Variants in AGBL4 observed in about 807,000 individuals in gnomAD.
The protein encoded by AGBL4 is AGBL carboxypeptidase 4.
A neutral mutation model predicts 66.4 loss-of-function variants in AGBL4; 58 were observed. The ratio of observed to expected loss-of-function variants is 0.87; its 90% CI spans 0.71 to 1.09. The LOEUF is 1.09. Ranked by LOEUF, AGBL4 falls within the 50% of genes least tolerant of loss-of-function variation. The pLI, the probability that AGBL4 is intolerant of heterozygous loss-of-function variation, is 0.00. For missense variants in AGBL4, 579 were observed against 631.0 expected (o/e 0.92, Z 0.88); for synonymous variants, 234 against 222.9 (o/e 1.05, Z -0.44).
rs188230655 is a variant in AGBL4, at chr1:49,756,799, A to G, written c.158-59362T>C. 3.9e-5 allele frequency among the ~76,000 whole-genome samples: 6 copies of G among 152,266 alleles called. No homozygotes were observed. In the East Asian group the frequency reaches 5.8e-4, roughly 15 times the overall value. On this transcript the variant is annotated intron_variant, in intron 2 of 13. Coordinates refer to ENST00000371839, the MANE Select transcript of AGBL4 (RefSeq NM_032785.4). The stretch of plus-strand genomic sequence containing the variant: ...GGATATGTTTGCTTCCCCTTCCACC[A>G]TGATTGTAAGTTTCCTGAGGCCTCC...
Position 48,667,348 on chromosome 1 carries a change from T to A in AGBL4, c.635-4107A>T, listed in dbSNP as rs986542105. Among the ~76,000 whole-genome samples the A allele has an allele frequency of 3.3e-5, 5 of 152,336 alleles. No homozygotes were observed. In the East Asian group the frequency reaches 9.6e-4, roughly 29 times the overall value. ...GCCAATTGCTATGTCATAAAGGCAC[T>A]CAGCCTATGGAGAAGCCCACATGGT... is the stretch of plus-strand genomic sequence containing the variant. On this transcript the variant is annotated intron_variant, in intron 6 of 13. Coordinates refer to ENST00000371839, the MANE Select transcript of AGBL4 (RefSeq NM_032785.4).
chr1:49,742,317 T>C (rs1650576359), intron 2 of AGBL4, among the ~76,000 whole-genome samples: 1 of 151,700 alleles, frequency 6.6e-6, no homozygotes, highest in South Asian at 2.1e-4. Flanking sequence ...TCAAAGAGAA[T>C]AAAATACCTA....
chr1:49,998,199 CAAGAA>C (rs1343598612), intron 1 of AGBL4, among the ~76,000 whole-genome samples: 1 of 150,988 alleles, frequency 6.6e-6, no homozygotes, highest in African/African-American at 2.4e-5. Flanking sequence ...TGAGATTAAC[CAAGAA>C]AAGAAGAGAG....
At chr1:49,653,885 G>C (rs1646060453) in intron 3 of AGBL4, among the ~76,000 whole-genome samples, 1 of 151,806 alleles carries the variant, frequency 6.6e-6, no homozygotes, top group Admixed American at 6.6e-5. Flanking sequence ...ATGGAACCAA[G>C]TTCAAAAACA....
chr1:48,758,556 ACTATCCT>A (rs1349930983), intron 6 of AGBL4, among the ~76,000 whole-genome samples: 2 of 152,168 alleles, frequency 1.3e-5, no homozygotes, highest in Non-Finnish European at 2.9e-5. Flanking sequence ...ACTTCTTTTT[ACTATCCT>A]GAAACCTCCT....
At chr1:48,802,647 C>T (rs1645835869) in intron 6 of AGBL4, among the ~76,000 whole-genome samples, 1 of 152,188 alleles carries the variant, frequency 6.6e-6, no homozygotes, top group African/African-American at 2.4e-5. Context: ...CCTAATAGCA[C>T]TGGACCACTC....
chr1:49,679,402 TG>T (rs1646645397), intron 3 of AGBL4, among the ~76,000 whole-genome samples: 1 of 152,086 alleles, frequency 6.6e-6, no homozygotes, highest in Non-Finnish European at 1.5e-5. Context: ...TTTGCATGTG[TG>T]TGTGTGTGAA....
chr1:48,758,012 A>G (rs1342928230), intron 6 of AGBL4, among the ~76,000 whole-genome samples: 20 of 152,186 alleles, frequency 1.3e-4, no homozygotes, highest in Non-Finnish European at 2.9e-5. Context: ...TCTGGTAAGC[A>G]GTCATTTCTT....
chr1:49,302,276 G>A (rs1308361783), intron 3 of AGBL4, among the ~76,000 whole-genome samples: 3 of 147,690 alleles, frequency 2.0e-5, no homozygotes, highest in Admixed American at 1.4e-4. Flanking sequence ...TTTCTGAGGC[G>A]TAGTCTCACT....
At chr1:48,858,804 C>A (rs1647257790) in intron 6 of AGBL4, among the ~76,000 whole-genome samples, 1 of 151,978 alleles carries the variant, frequency 6.6e-6, no homozygotes, top group Non-Finnish European at 1.5e-5. Flanking sequence ...TAAATTATCA[C>A]TTTAATGAGG....
At chr1:49,043,998 C>T (rs1157478525) in intron 5 of AGBL4, among the ~76,000 whole-genome samples, 1 of 152,204 alleles carries the variant, frequency 6.6e-6, no homozygotes, top group Admixed American at 6.5e-5. Flanking sequence ...TCACCAGTAT[C>T]CTCATTTAGA....
intron 2 of AGBL4, among the ~76,000 whole-genome samples, chr1:49,847,994 C>A (rs746638494): frequency 2.2e-4 from 33 of 152,314 alleles, no homozygotes; most frequent in Non-Finnish European, 4.1e-4. Context: ...AGCCACCATG[C>A]CTGGCCCAAA....
chr1:49,328,119 A>C (rs1021446780), intron 3 of AGBL4, among the ~76,000 whole-genome samples: 3 of 152,202 alleles, frequency 2.0e-5, no homozygotes, highest in Non-Finnish European at 4.4e-5. Context: ...CCCACGTGTA[A>C]TCACCTGGGA....
chr1:49,355,946 G>C (rs537448152), intron 3 of AGBL4, among the ~76,000 whole-genome samples: 1 of 152,136 alleles, frequency 6.6e-6, no homozygotes, highest in Non-Finnish European at 1.5e-5. Flanking sequence ...AGAGACAATC[G>C]TAGTGTGCAC....
chr1:48,752,997 C>T (rs1219775881), intron 6 of AGBL4, among the ~76,000 whole-genome samples: 1 of 152,210 alleles, frequency 6.6e-6, no homozygotes, highest in Non-Finnish European at 1.5e-5. Flanking sequence ...ATCCGCCTGC[C>T]TCGGCCTCCC....
chr1:49,176,162 A>G (rs1392634981), intron 4 of AGBL4, among the ~76,000 whole-genome samples: 1 of 152,148 alleles, frequency 6.6e-6, no homozygotes, highest in Non-Finnish European at 1.5e-5. Flanking sequence ...GGTGATGACA[A>G]TGATGATGGA....
intron 6 of AGBL4, among the ~76,000 whole-genome samples, chr1:48,731,644 C>G (rs565248872): frequency 6.6e-6 from 1 of 152,278 alleles, no homozygotes; most frequent in South Asian, 2.1e-4. Context: ...GGTAGTGGGA[C>G]CTGTGTTCCA....
intron 3 of AGBL4, among the ~76,000 whole-genome samples, chr1:49,533,825 T>C (rs2148816598): frequency 6.6e-6 from 1 of 152,208 alleles, no homozygotes; most frequent in East Asian, 1.9e-4. Context: ...CACCTTGACC[T>C]TGGATTTGAA....
At chr1:48,802,242 C>A (rs936956516) in intron 6 of AGBL4, among the ~76,000 whole-genome samples, 1 of 152,128 alleles carries the variant, frequency 6.6e-6, no homozygotes, top group African/African-American at 2.4e-5. Context: ...GCATGGATTT[C>A]TCACTGATTT....
Sources: gnomAD v4.1 joint callset for allele counts (sites outside exome capture counted in the v4.1 genomes callset) on GRCh38, gnomAD v4.1.1 for gene constraint, MANE v1.5 for transcripts, NCBI Gene and HGNC (gene_info 2026-07-23, HGNC 2026-07-21) for gene names.